Variants in RBBP8NL observed in about 807,000 individuals in gnomAD.
RBBP8NL encodes the protein RBBP8 N-terminal-like protein.
RBBP8NL carries 59 observed loss-of-function variants against 62.2 expected under a neutral mutation model. That is an observed-to-expected ratio of 0.95 (90% CI 0.77 to 1.18). The LOEUF (loss-of-function observed/expected upper bound fraction) is 1.18. Among genes scored for constraint, RBBP8NL ranks in the 50% most tolerant of loss-of-function variants. The pLI, the probability that RBBP8NL is intolerant of heterozygous loss-of-function variation, is 0.00. For missense variants in RBBP8NL, 896 were observed against 899.5 expected (o/e 1.00, Z 0.05); for synonymous variants, 412 against 394.1 (o/e 1.05, Z -0.54).
At position 62,410,630 on chromosome 20, in the gene RBBP8NL, T is replaced by A. The variant is rs1569022459; in HGVS notation, c.*248A>T. On this transcript the variant is annotated 3_prime_UTR_variant, in exon 14 of 14. Transcript: ENST00000252998. ...CTCGGTCCTCCAGCCCCTCTTGAAG[T>A]GGGCCAGGATGTGCCCGTCACCGGC... 2.0e-6 allele frequency: 1 copy of A among 508,328 alleles called. No homozygotes were observed. The highest frequency in any genetic ancestry group is 3.3e-5 in the East Asian group (1 of 30,718). The allele number at this position is 508,328 out of a possible 1,614,324, so 31.5% of individuals were successfully genotyped here.
At chr20:62,416,899 T>A in intron 4 of RBBP8NL, 27 bp from the exon 5 acceptor site, 1 of 1,504,994 alleles carries the variant, frequency 6.6e-7, no homozygotes, top group Non-Finnish European at 9.0e-7. Flanking sequence ...GCAGGGGGTG[T>A]GAGGGATGGC....
chr20:62,413,367 C>A, intron 11 of RBBP8NL, 34 bp downstream of exon 11: 1 of 1,389,024 alleles, frequency 7.2e-7, no homozygotes, highest in African/African-American at 1.5e-5. Context: ...AAAACACCTC[C>A]CAGCTGGACT....
intron 1 of RBBP8NL, among the ~76,000 whole-genome samples, chr20:62,422,546 CCTGGGGTGGGGACGGGGA>C (rs1569027715): frequency 1.5e-5 from 2 of 133,790 alleles, no homozygotes; most frequent in South Asian, 2.5e-4. Flanking sequence ...GGCCATGGGG[CCTGGGGTGGGGACGGGGA>C]CTGGGGTGGG....
intron 2 of RBBP8NL, among the ~76,000 whole-genome samples, chr20:62,419,014 G>C (rs2146442569): frequency 6.6e-6 from 1 of 152,282 alleles, no homozygotes; most frequent in East Asian, 1.9e-4. Context: ...ACTGGACTGG[G>C]GGTGGTGTGG....
chr20:62,417,110 T>C (rs2146440902), intron 4 of RBBP8NL, 114 bp downstream of exon 4: 3 of 815,320 alleles, frequency 3.7e-6, no homozygotes, highest in East Asian at 2.7e-5. Flanking sequence ...GAAACCTTCC[T>C]GGTTCAGTTT....
intron 2 of RBBP8NL, among the ~76,000 whole-genome samples, 161 bp downstream of exon 2, chr20:62,419,426 C>T (rs901004830): frequency 1.3e-4 from 20 of 152,148 alleles, no homozygotes; most frequent in African/African-American, 4.8e-4. Context: ...TAGCTCTGGG[C>T]CTTGGGTCAG....
chr20:62,420,351 C>CAT (rs1988671605), intron 1 of RBBP8NL, among the ~76,000 whole-genome samples: 1 of 56,100 alleles, frequency 1.8e-5, no homozygotes, highest in African/African-American at 1.3e-4. Context: ...GTCCCACAGG[C>CAT]ACACACACAC....
In RBBP8NL at chr20:62,414,339, C is replaced by A; in HGVS notation, c.1012G>T (p.Gly338Trp). 1 of 1,557,088 alleles carries A rather than the reference C, an allele frequency of 6.4e-7. No homozygotes were observed. The highest frequency in any genetic ancestry group is 2.4e-5 in the East Asian group (1 of 41,744). The change falls in exon 10 of 14, where the codon GGG (glycine) becomes TGG (tryptophan). Residue 338 changes from glycine (G) to tryptophan (W), a missense_variant. Transcript: ENST00000252998. ...EAWEEPTELL[G>W]LPSALAGMQD... Reference sequence around the variant, plus strand: ...ATGCCCGCCAGGGCACTGGGCAGCCCCAGCAGTTCTGTGGGCTCCTCCCAG... The same window carrying A: ...ATGCCCGCCAGGGCACTGGGCAGCCACAGCAGTTCTGTGGGCTCCTCCCAG...
rs994080564 is a variant in RBBP8NL at position 62,419,437 on chromosome 20, G to C, written c.61+150C>G. On this transcript the variant is annotated intron_variant, in intron 2 of 13. Transcript: ENST00000252998. The stretch of plus-strand genomic sequence containing the variant: ...GTTGTAGCTCTGGGCCTTGGGTCAG[G>C]ACTCCCCTGCCTGGGCCAAAAAGAC... 2.1e-5 allele frequency: 16 copies of C among 761,536 alleles called. No homozygotes were observed. In the Admixed American group the frequency reaches 3.9e-4, roughly 19 times the overall value. 47.2% of individuals were successfully genotyped at this position (761,536 alleles called of 1,614,324 possible). A position where few individuals can be genotyped will look rare whatever the true frequency, so the allele number is the denominator to read the frequency against.
At chr20:62,412,135 C>T (rs1021176380) in intron 13 of RBBP8NL, among the ~76,000 whole-genome samples, 10 of 152,342 alleles carry the variant, frequency 6.6e-5, no homozygotes, top group African/African-American at 2.2e-4. Flanking sequence ...TGGAGCCGTC[C>T]GCAATTCCCC....
chr20:62,416,092 A>G (rs1239395957), intron 6 of RBBP8NL, 72 bp downstream of exon 6: 1 of 1,509,014 alleles, frequency 6.6e-7, no homozygotes, highest in African/African-American at 1.4e-5. Context: ...TCCCCCAGGG[A>G]CGTGTGCTGG....
intron 1 of RBBP8NL, among the ~76,000 whole-genome samples, chr20:62,422,559 CGGGGACTG>C (rs1988724103): frequency 1.2e-4 from 1 of 8,376 alleles, no homozygotes; most frequent in Non-Finnish European, 2.1e-4. Context: ...GGGGTGGGGA[CGGGGACTG>C]GGGTGGGGAT....
rs377547266 is a variant in RBBP8NL at position 62,414,399 on chromosome 20, G to A, written c.952C>T (p.Arg318Trp). The A allele has an allele frequency of 8.2e-5, 125 of 1,532,728 alleles. No homozygotes were observed. The highest frequency in any genetic ancestry group is 5.3e-4 in the African/African-American group (39 of 73,510). 94.9% of individuals were successfully genotyped at this position (1,532,728 alleles called of 1,614,324 possible). ...LAPAAAPSDP[R>W]LQDLKAREAE... ...TCTCTGGCCTTCAGGTCCTGGAGCC[G>A]GGGGTCGCTGGGGGCTGCAGCAGGG... Residue 318 changes from arginine to tryptophan, a missense_variant, in exon 10 of 14, where the codon CGG becomes TGG. Transcript: ENST00000252998.
intron 1 of RBBP8NL, among the ~76,000 whole-genome samples, chr20:62,424,889 C>A (rs554939434): frequency 4.6e-5 from 7 of 152,156 alleles, no homozygotes; most frequent in African/African-American, 2.4e-5. Context: ...GTGCACCCCC[C>A]CCACCCGCTG....
chr20:62,410,850 G>T lies in RBBP8NL; in HGVS notation c.*28C>A. On this transcript the variant is annotated 3_prime_UTR_variant, in exon 14 of 14. Transcript: ENST00000252998. ...GTGGGCAGGTGGAGGGCTGCCCCGG[G>T]CTCGCTGTGGACCCTGGTGCAGGCT... 1 of 1,512,386 alleles carries T rather than the reference G, an allele frequency of 6.6e-7. No homozygotes were observed. Among genetic ancestry groups the T allele is most frequent in the Non-Finnish European group, 9.2e-7 (1 of 1,092,546 alleles). The allele number at this position is 1,512,386 out of a possible 1,614,324, so 93.7% of individuals were successfully genotyped here.
chr20:62,426,179 C>T (rs934638947), intron 1 of RBBP8NL, among the ~76,000 whole-genome samples: 2 of 151,972 alleles, frequency 1.3e-5, no homozygotes, highest in African/African-American at 4.8e-5. Context: ...GCAGTGGAAG[C>T]AGCGGCAGCG....
At chr20:62,416,287 G>A in intron 5 of RBBP8NL, 51 bp from the exon 6 acceptor site, 1 of 950,342 alleles carries the variant, frequency 1.1e-6, no homozygotes, top group Admixed American at 2.1e-5. Flanking sequence ...GGGGACAGGG[G>A]CAGGGGTGGG....
chr20:62,415,610 C>G lies in RBBP8NL; in HGVS notation c.595G>C (p.Ala199Pro), dbSNP rs1988544289. 1.9e-6 allele frequency: 3 copies of G among 1,612,884 alleles called. No individual in the cohort carries two copies. In the East Asian group the frequency reaches 6.7e-5, roughly 36 times the overall value. Reference protein sequence around the residue: ...TSPVAKISPGATLPESRAPDM... With the variant: ...TSPVAKISPGPTLPESRAPDM... ...GGGGCTCGCGACTCAGGCAGGGTGGCCCCTGGGGAGATTTTGGCCACTGGA... is the reference window on the plus strand; with the variant it reads ...GGGGCTCGCGACTCAGGCAGGGTGGGCCCTGGGGAGATTTTGGCCACTGGA... Residue 199 changes from alanine to proline, a missense_variant, in exon 8 of 14, where the codon GCC (alanine) becomes CCC (proline). Physicochemically the swap from Ala to Pro is conservative, Grantham distance 27 (BLOSUM62 -1). Coordinates refer to ENST00000252998, the MANE Select transcript of RBBP8NL (RefSeq NM_080833.3).
At chr20:62,422,654 A>ACGGGGC (rs1988731941) in intron 1 of RBBP8NL, among the ~76,000 whole-genome samples, 1 of 15,824 alleles carries the variant, frequency 6.3e-5, no homozygotes. Flanking sequence ...GGGGATGGGG[A>ACGGGGC]CCGGGGTGGG....
Sources: gnomAD v4.1 joint callset for allele counts (sites outside exome capture counted in the v4.1 genomes callset) on GRCh38, gnomAD v4.1.1 for gene constraint, MANE v1.5 for transcripts, NCBI Gene and HGNC (gene_info 2026-07-23, HGNC 2026-07-21) for gene names.